DTNBP1: variants seen among roughly 807,000 people sequenced by gnomAD.
DTNBP1 encodes the protein dystrobrevin binding protein 1.
In DTNBP1, 35 loss-of-function variants were observed where a neutral mutation model predicts 42.8. The observed-to-expected ratio is 0.82, with a 90% CI of 0.63 to 1.09. The LOEUF (loss-of-function observed/expected upper bound fraction) is 1.09. Among genes scored for constraint, DTNBP1 ranks in the 50% least tolerant of loss-of-function variants. The probability of loss-of-function intolerance (pLI) is 0.00; values close to 1 mark genes in which losing one functional copy is unlikely to be tolerated. For missense variants in DTNBP1, 457 were observed against 424.2 expected (o/e 1.08, Z -0.68); for synonymous variants, 171 against 162.2 (o/e 1.05, Z -0.41).
chr6:15,643,597 C>T (rs912666474), intron 3 of DTNBP1, among the ~76,000 whole-genome samples: 5 of 151,882 alleles, frequency 3.3e-5, no homozygotes, highest in South Asian at 2.1e-4. Flanking sequence ...ACTTCTCAGC[C>T]GAAGCTTTAC....
chr6:15,600,812 G>C (rs1439637914), intron 6 of DTNBP1, among the ~76,000 whole-genome samples: 1 of 152,212 alleles, frequency 6.6e-6, no homozygotes, highest in East Asian at 1.9e-4. Flanking sequence ...AAAAAGGTCA[G>C]GTTTTGCTGT....
rs58643392 is a variant in DTNBP1 at position 15,646,258 on chromosome 6, GACACAC to G, written c.161+5049_161+5054del. On this transcript the variant is annotated intron_variant, in intron 3 of 9. Transcript: ENST00000344537. ...CAAGAACTCAATCTCATTTACAATA[GACACAC>G]ACACACACACACACACACACACATA... Among the ~76,000 whole-genome samples, 156 of 149,002 alleles carry G rather than the reference GACACAC, an allele frequency of 1.0e-3. 1 individual carries two copies. The highest frequency in any genetic ancestry group is 1.4e-3 in the Admixed American group (21 of 14,962).
At chr6:15,642,682 A>G (rs1248258832) in intron 3 of DTNBP1, among the ~76,000 whole-genome samples, 1 of 152,222 alleles carries the variant, frequency 6.6e-6, no homozygotes, top group Non-Finnish European at 1.5e-5. Context: ...GCAGCATCTG[A>G]GAAAGTCACT....
intron 5 of DTNBP1, among the ~76,000 whole-genome samples, chr6:15,616,331 ATGCCAGTCACTG>A (rs1451360518): frequency 2.4e-4 from 37 of 152,352 alleles, no homozygotes; most frequent in Non-Finnish European, 1.5e-4. Flanking sequence ...TCACTGACAT[ATGCCAGTCACTG>A]TGCCAGTCAC....
chr6:15,615,204 T>C (rs1267393910), intron 6 of DTNBP1, 63 bp downstream of exon 6: 3 of 1,608,982 alleles, frequency 1.9e-6, no homozygotes, highest in Non-Finnish European at 2.6e-6. Context: ...AAGAGTAGCA[T>C]GTAAAGTAAT....
intron 5 of DTNBP1, among the ~76,000 whole-genome samples, chr6:15,616,638 C>T (rs556395291): frequency 1.3e-5 from 2 of 152,332 alleles, no homozygotes; most frequent in African/African-American, 4.8e-5. Flanking sequence ...CCTTCATTTA[C>T]GTACTAGCTT....
At chr6:15,543,746 T>C (rs187307000) in intron 7 of DTNBP1, among the ~76,000 whole-genome samples, 1 of 152,264 alleles carries the variant, frequency 6.6e-6, no homozygotes. Flanking sequence ...ACCTGTTCTG[T>C]CCTTAGGCAT....
At chr6:15,544,964 A>G (rs1455014389) in intron 7 of DTNBP1, among the ~76,000 whole-genome samples, 1 of 152,210 alleles carries the variant, frequency 6.6e-6, no homozygotes, top group Non-Finnish European at 1.5e-5. Context: ...AATTTTGTTC[A>G]GAAACTGAGG....
At chr6:15,569,286 A>G (rs1433591031) in intron 7 of DTNBP1, among the ~76,000 whole-genome samples, 1 of 152,134 alleles carries the variant, frequency 6.6e-6, no homozygotes, top group African/African-American at 2.4e-5. Flanking sequence ...TAAACTTTTT[A>G]AAGAATTGCT....
At chr6:15,529,392 T>G (rs1471924893) in intron 8 of DTNBP1, among the ~76,000 whole-genome samples, 1 of 152,212 alleles carries the variant, frequency 6.6e-6, no homozygotes, top group Non-Finnish European at 1.5e-5. Flanking sequence ...AATAAATATT[T>G]AAGGATGGAA....
intron 5 of DTNBP1, among the ~76,000 whole-genome samples, chr6:15,619,185 G>A (rs1434223173): frequency 6.6e-6 from 1 of 152,076 alleles, no homozygotes; most frequent in Non-Finnish European, 1.5e-5. Flanking sequence ...ACAATTTACT[G>A]TACATGTTCA....
At chr6:15,580,750 T>C (rs938279982) in intron 7 of DTNBP1, among the ~76,000 whole-genome samples, 7 of 152,190 alleles carry the variant, frequency 4.6e-5, no homozygotes, top group African/African-American at 1.7e-4. Flanking sequence ...TTTACAGTTA[T>C]TTTAAAAATA....
In DTNBP1 at chr6:15,651,382, T is replaced by G; in HGVS notation, c.111-19A>C. ...AACAGTCCTGCCCAAAAGAAACACTTATTAAAACTGTTCTTGATTTAGCCA... is the reference window on the plus strand; with the variant it reads ...AACAGTCCTGCCCAAAAGAAACACTGATTAAAACTGTTCTTGATTTAGCCA... On this transcript the variant is annotated intron_variant, in intron 2 of 9. Coordinates refer to ENST00000344537, the MANE Select transcript of DTNBP1 (RefSeq NM_032122.5). 1 of 1,610,154 alleles carries G rather than the reference T, an allele frequency of 6.2e-7. No individual in the cohort carries two copies. The highest frequency in any genetic ancestry group is 8.5e-7 in the Non-Finnish European group (1 of 1,179,162).
chr6:15,545,197 T>C (rs886138692), intron 7 of DTNBP1, among the ~76,000 whole-genome samples: 4 of 152,226 alleles, frequency 2.6e-5, no homozygotes, highest in Non-Finnish European at 5.9e-5. Context: ...AAAAGTATTT[T>C]CCTGGCATTG....
At chr6:15,626,956 A>G (rs1009589946) in intron 5 of DTNBP1, among the ~76,000 whole-genome samples, 1 of 152,236 alleles carries the variant, frequency 6.6e-6, no homozygotes, top group African/African-American at 2.4e-5. Context: ...ACTACAAGAC[A>G]TGAAGTTCTA....
At chr6:15,637,059 T>C (rs983015720) in intron 4 of DTNBP1, among the ~76,000 whole-genome samples, 11 of 152,218 alleles carry the variant, frequency 7.2e-5, no homozygotes, top group African/African-American at 1.4e-4. Context: ...TATATTCCTG[T>C]GTTGTATATA....
chr6:15,535,836 G>T (rs891044563), intron 7 of DTNBP1, among the ~76,000 whole-genome samples: 3 of 152,208 alleles, frequency 2.0e-5, no homozygotes, highest in Non-Finnish European at 2.9e-5. Context: ...CAACCAAAAT[G>T]CTGATAGTGA....
At chr6:15,571,274 A>G (rs1441069421) in intron 7 of DTNBP1, among the ~76,000 whole-genome samples, 1 of 152,216 alleles carries the variant, frequency 6.6e-6, no homozygotes, top group Admixed American at 6.5e-5. Flanking sequence ...ACAAAAAGGG[A>G]AAATAAAGCT....
intron 6 of DTNBP1, among the ~76,000 whole-genome samples, chr6:15,611,284 T>C (rs1248940123): frequency 6.6e-6 from 1 of 152,172 alleles, no homozygotes; most frequent in Non-Finnish European, 1.5e-5. Context: ...GTTTGTGGCA[T>C]AGTTTACTGA....
Sources: gnomAD v4.1 joint callset for allele counts (sites outside exome capture counted in the v4.1 genomes callset) on GRCh38, gnomAD v4.1.1 for gene constraint, MANE v1.5 for transcripts, NCBI Gene and HGNC (gene_info 2026-07-23, HGNC 2026-07-21) for gene names.